The following PLSCR2 variants were observed in gnomAD, a reference collection of about 807,000 sequenced individuals.
The protein encoded by PLSCR2 is PL scramblase 2.
PLSCR2 carries 18 observed loss-of-function variants against 25.3 expected under a neutral mutation model. The observed-to-expected ratio is 0.71, with a 90% CI of 0.49 to 1.06. The LOEUF (loss-of-function observed/expected upper bound fraction) is 1.06, where lower values mean the gene tolerates loss of function less well. Ranked by LOEUF, PLSCR2 falls within the 50% of genes least tolerant of loss-of-function variation. PLSCR2 has a pLI of 0.00. For missense variants in PLSCR2, 243 were observed against 269.5 expected (o/e 0.90, Z 0.69); for synonymous variants, 88 against 87.3 (o/e 1.01, Z -0.04).
chr3:146,461,355 G>A (rs779437219), upstream of PLSCR2, among the ~76,000 whole-genome samples: 2 of 152,144 alleles, frequency 1.3e-5, no homozygotes, highest in Non-Finnish European at 2.9e-5. Flanking sequence ...TGTAAATATA[G>A]CTTTTATAAT....
intron 2 of PLSCR2, among the ~76,000 whole-genome samples, chr3:146,411,541 C>T (rs115482888): frequency 0.041 from 6,215 of 152,286 alleles, 184 homozygotes; most frequent in Non-Finnish European, 0.062. Flanking sequence ...GCCGTCCTTC[C>T]GGGGGAGCCT....
At chr3:146,437,681 T>C (rs1394719433), downstream of PLSCR2, among the ~76,000 whole-genome samples, 1 of 152,118 alleles carries the variant, frequency 6.6e-6, no homozygotes, top group African/African-American at 2.4e-5. Context: ...TTATTAGTCT[T>C]GGTAGTCATC....
intron 2 of PLSCR2, among the ~76,000 whole-genome samples, chr3:146,423,791 T>C (rs1270374675): frequency 1.3e-5 from 2 of 152,022 alleles, no homozygotes; most frequent in African/African-American, 4.8e-5. Flanking sequence ...GTTTTAAAGA[T>C]GGAAGGAGGC....
chr3:146,490,460 C>G (rs77019895), intron 1 of PLSCR2, among the ~76,000 whole-genome samples: 1 of 151,994 alleles, frequency 6.6e-6, no homozygotes, highest in Non-Finnish European at 1.5e-5. Context: ...GAAGACTCCC[C>G]CTATTATTGT....
intron 2 of PLSCR2, among the ~76,000 whole-genome samples, chr3:146,424,809 T>C (rs1219584131): frequency 6.6e-6 from 1 of 152,020 alleles, no homozygotes; most frequent in Non-Finnish European, 1.5e-5. Context: ...ATTTTCATTA[T>C]CAGTTTGAGT....
At chr3:146,447,665 G>A (rs1234053738) in intron 6 of PLSCR2, among the ~76,000 whole-genome samples, 1 of 152,182 alleles carries the variant, frequency 6.6e-6, no homozygotes, top group Non-Finnish European at 1.5e-5. Flanking sequence ...GGGAAGGGGT[G>A]ATGCAAGCAC....
chr3:146,401,205 A>G (rs972690745), intron 2 of PLSCR2: 5 of 152,044 alleles, frequency 3.3e-5, no homozygotes, highest in Non-Finnish European at 7.4e-5. Context: ...GTTGTGGATG[A>G]TTCTCACCCT....
chr3:146,450,097 A>G (rs2040810620), intron 5 of PLSCR2, among the ~76,000 whole-genome samples: 1 of 152,236 alleles, frequency 6.6e-6, no homozygotes, highest in African/African-American at 2.4e-5. Context: ...TATAGCATTG[A>G]AAAGTGTGTG....
At chr3:146,465,316 T>G (rs191315126), upstream of PLSCR2, among the ~76,000 whole-genome samples, 1 of 152,194 alleles carries the variant, frequency 6.6e-6, no homozygotes, top group Non-Finnish European at 1.5e-5. Flanking sequence ...ATTACATCTT[T>G]AAATTTGTTG....
intron 3 of PLSCR2, among the ~76,000 whole-genome samples, chr3:146,393,385 G>A (rs996402860): frequency 2.2e-4 from 34 of 151,810 alleles, no homozygotes; most frequent in Non-Finnish European, 2.8e-4. Context: ...ATTGAGTGTT[G>A]TTTGCTCATA....
intron 2 of PLSCR2, among the ~76,000 whole-genome samples, chr3:146,397,137 C>G (rs1214877137): frequency 3.3e-5 from 5 of 152,016 alleles, no homozygotes; most frequent in African/African-American, 1.2e-4. Context: ...TGGCTCTGTT[C>G]TTTTACAATC....
chr3:146,482,651 T>G (rs1043584572), intron 1 of PLSCR2, among the ~76,000 whole-genome samples: 1 of 152,198 alleles, frequency 6.6e-6, no homozygotes, highest in South Asian at 2.1e-4. Context: ...GTTCAAACAT[T>G]GTGGAAAACA....
chr3:146,437,249 T>C (rs575935845), downstream of PLSCR2, among the ~76,000 whole-genome samples: 17 of 152,270 alleles, frequency 1.1e-4, no homozygotes, highest in East Asian at 3.1e-3. Context: ...TTTTTTGTTG[T>C]GTCTCTGCCA....
At chr3:146,482,995 G>T (rs554955390) in intron 1 of PLSCR2, among the ~76,000 whole-genome samples, 2 of 151,222 alleles carry the variant, frequency 1.3e-5, no homozygotes, top group African/African-American at 2.4e-5. Context: ...AAACACCATA[G>T]TGTTGGAAGT....
At chr3:146,440,770 G>GT (rs67900392), downstream of PLSCR2, among the ~76,000 whole-genome samples, 14,025 of 151,936 alleles carry the variant, frequency 0.092, 886 homozygotes, top group African/African-American at 0.18. Context: ...GTGTTATCCA[G>GT]TTTTTTTTAT....
intron 3 of PLSCR2, among the ~76,000 whole-genome samples, chr3:146,458,005 C>T (rs1344000338): frequency 6.6e-6 from 1 of 152,152 alleles, no homozygotes; most frequent in Non-Finnish European, 1.5e-5. Flanking sequence ...GAACCTCCTC[C>T]CGTATTATTT....
At chr3:146,491,188 G>T (rs959468079) in intron 1 of PLSCR2, among the ~76,000 whole-genome samples, 2 of 152,024 alleles carry the variant, frequency 1.3e-5, no homozygotes, top group African/African-American at 4.8e-5. Flanking sequence ...ATCTCTTCTG[G>T]CTTGTGTGGT....
intron 2 of PLSCR2, among the ~76,000 whole-genome samples, chr3:146,419,987 T>A (rs1230074869): frequency 6.6e-6 from 1 of 152,118 alleles, no homozygotes; most frequent in Non-Finnish European, 1.5e-5. Flanking sequence ...ACATTATGGC[T>A]ACTGTAACTT....
chr3:146,442,833 A>G (rs2040332972), intron 6 of PLSCR2, among the ~76,000 whole-genome samples: 1 of 152,098 alleles, frequency 6.6e-6, no homozygotes, highest in African/African-American at 2.4e-5. Flanking sequence ...ACTTAAATGT[A>G]AAACCTATAC....
Sources: gnomAD v4.1 joint callset for allele counts (sites outside exome capture counted in the v4.1 genomes callset) on GRCh38, gnomAD v4.1.1 for gene constraint, MANE v1.5 for transcripts, NCBI Gene and HGNC (gene_info 2026-07-23, HGNC 2026-07-21) for gene names.